The following ILDR1 variants were observed in gnomAD, a reference collection of about 807,000 sequenced individuals.
ILDR1 encodes the protein immunoglobulin-like domain-containing receptor 1.
Under a neutral mutation model 62.4 loss-of-function variants are expected in ILDR1, and 56 were observed. The ratio of observed to expected loss-of-function variants is 0.90; its 90% CI spans 0.72 to 1.12. The LOEUF (loss-of-function observed/expected upper bound fraction) is 1.12. Ranked by LOEUF, ILDR1 falls within the 50% of genes most tolerant of loss-of-function variation. The pLI is 0.00. For synonymous variants in ILDR1, 284 were observed against 277.8 expected (o/e 1.02, Z -0.22); for missense variants, 736 against 710.6 (o/e 1.04, Z -0.41).
chr3:122,001,495 A>AG, intron 4 of ILDR1, 41 bp from the exon 5 acceptor site: 2 of 1,606,992 alleles, frequency 1.2e-6, no homozygotes, highest in Non-Finnish European at 1.7e-6. Context: ...CTAAATATTC[A>AG]GGGGGAGGGA....
chr3:122,061,458 T>C, the ILDR1 span, among the ~76,000 whole-genome samples: 8 of 152,232 alleles, frequency 5.3e-5, no homozygotes, highest in African/African-American at 1.7e-4. Context: ...CACCAAATAC[T>C]AAAGAAATGC....
chr3:122,056,320 C>A, the ILDR1 span, among the ~76,000 whole-genome samples: 3 of 152,196 alleles, frequency 2.0e-5, no homozygotes, highest in African/African-American at 7.2e-5. Context: ...GCGCCAGTCA[C>A]TATGTATTTA....
rs2107643779 is a variant in ILDR1, at chr3:121,993,532, G to A, written c.1217C>T (p.Ser406Phe). Reference sequence around the variant, plus strand: ...GTGTATGGGTGACCCATTCAGCCTAGAGCTACGGTGCCTTCCACTCCACGA... The same window carrying A: ...GTGTATGGGTGACCCATTCAGCCTAAAGCTACGGTGCCTTCCACTCCACGA... ...DPSWSGRHRS[S>F]RLNGSPIHWS... is the part of the protein sequence containing the mutation. The change falls in exon 7 of 8, where the codon TCT (serine) becomes TTT (phenylalanine). Residue 406 changes from serine (S) to phenylalanine (F), a missense_variant. Physicochemically the swap from Ser to Phe is radical, Grantham distance 155. Coordinates refer to ENST00000344209, the MANE Select transcript of ILDR1 (RefSeq NM_001199799.2). The A allele has an allele frequency of 6.2e-7, 1 of 1,614,228 alleles. No homozygotes were observed. The highest frequency in any genetic ancestry group is 1.6e-4 in the Middle Eastern group (1 of 6,062).
chr3:121,990,980 T>A (rs1576712074), intron 7 of ILDR1, among the ~76,000 whole-genome samples: 1 of 152,096 alleles, frequency 6.6e-6, no homozygotes, highest in Non-Finnish European at 1.5e-5. Flanking sequence ...GGCGGGCAGA[T>A]CACGAGGTCA....
chr3:122,047,365 T>C, the ILDR1 span, among the ~76,000 whole-genome samples: 26 of 152,246 alleles, frequency 1.7e-4, no homozygotes, highest in Non-Finnish European at 3.5e-4. Flanking sequence ...GTTACTGCTG[T>C]CTTTTTGTCT....
chr3:122,028,907 T>C, the ILDR1 span, among the ~76,000 whole-genome samples: 1 of 152,174 alleles, frequency 6.6e-6, no homozygotes. Context: ...CTTTACTCTA[T>C]AGAAACTCAT....
chr3:122,046,116 G>C, the ILDR1 span, among the ~76,000 whole-genome samples: 5 of 151,212 alleles, frequency 3.3e-5, no homozygotes, highest in African/African-American at 1.2e-4. Flanking sequence ...CAGGCCTAGT[G>C]GTGACAAAAT....
chr3:122,058,458 A>G, the ILDR1 span, among the ~76,000 whole-genome samples: 1 of 152,180 alleles, frequency 6.6e-6, no homozygotes, highest in African/African-American at 2.4e-5. Context: ...TGCAAGAGAG[A>G]GCAGATGACT....
chr3:122,028,335 C>CAAA, the ILDR1 span, among the ~76,000 whole-genome samples: 6 of 95,464 alleles, frequency 6.3e-5, no homozygotes, highest in Admixed American at 1.2e-4. Flanking sequence ...GACTCCATCT[C>CAAA]AAAAAAAAAA....
rs894241295 is a variant in ILDR1 at position 121,994,277 on chromosome 3, G to C, written c.683C>G (p.Ala228Gly). ...ARHRYMKQAQ[A>G]LGPQMMGKPL... ...TTTTCCCATCATCTGAGGACCTAGG[G>C]CCTGGGCCTGCTTCATGTAGCGGTG... Residue 228 changes from alanine (A) to glycine (G), a missense_variant, in exon 6 of 8, where the codon GCC (alanine) becomes GGC (glycine). Ala to Gly is a moderately conservative substitution (Grantham distance 60). Coordinates refer to ENST00000344209, the MANE Select transcript of ILDR1 (RefSeq NM_001199799.2). 1 of 1,535,996 alleles carries C rather than the reference G, an allele frequency of 6.5e-7. No homozygotes were observed. The highest frequency in any genetic ancestry group is 2.4e-5 in the East Asian group (1 of 40,912).
chr3:121,993,165 A>G lies in ILDR1; in HGVS notation c.1584T>C (p.Ser528=). ...CCAGGCTCACCGAGCGCCTCTCCAC[A>G]CTCCCTTTTTTCCTGCTATTCTTGC... ...TPGKNSRKKG[S]VERRSEKDSS... The change falls in exon 7 of 8, where the codon AGT becomes AGC. Residue 528 remains serine, a synonymous_variant. Transcript: ENST00000344209. The G allele has an allele frequency of 1.2e-6, 2 of 1,602,796 alleles. No individual in the cohort carries two copies. The highest frequency in any genetic ancestry group is 1.7e-6 in the Non-Finnish European group (2 of 1,174,918).
chr3:122,059,840 A>T, the ILDR1 span, among the ~76,000 whole-genome samples: 133 of 152,252 alleles, frequency 8.7e-4, no homozygotes, highest in Non-Finnish European at 1.6e-3. Flanking sequence ...TGTTGTGCTT[A>T]TTGTAAGGAA....
chr3:121,988,218 A>C lies in ILDR1; in HGVS notation c.*149T>G. 1 of 723,662 alleles carries C rather than the reference A, an allele frequency of 1.4e-6. No individual in the cohort carries two copies. The highest frequency in any genetic ancestry group is 1.5e-5 in the South Asian group (1 of 67,604). The allele number at this position is 723,662 out of a possible 1,614,324, so 44.8% of individuals were successfully genotyped here. On this transcript the variant is annotated 3_prime_UTR_variant, in exon 8 of 8. Coordinates refer to ENST00000344209, the MANE Select transcript of ILDR1 (RefSeq NM_001199799.2). Reference sequence around the variant, plus strand: ...ACTATACCCAATCTCAAACTCTTGTATTTAAAATTCTTCTATTTGATTCTC... The same window carrying C: ...ACTATACCCAATCTCAAACTCTTGTCTTTAAAATTCTTCTATTTGATTCTC...
At chr3:122,009,040 C>T (rs2071662800) in intron 1 of ILDR1, among the ~76,000 whole-genome samples, 2 of 151,328 alleles carry the variant, frequency 1.3e-5, no homozygotes, top group African/African-American at 4.9e-5. Flanking sequence ...TTCAAGTGAT[C>T]CTCCCATCTC....
At chr3:122,038,766 C>A in the ILDR1 span, among the ~76,000 whole-genome samples, 5 of 151,994 alleles carry the variant, frequency 3.3e-5, no homozygotes, top group African/African-American at 9.7e-5. Context: ...TAAGCTCAGA[C>A]AGATATTTTC....
chr3:122,011,441 AC>A (rs2107671187), intron 1 of ILDR1, among the ~76,000 whole-genome samples: 1 of 152,022 alleles, frequency 6.6e-6, no homozygotes, highest in South Asian at 2.1e-4. Context: ...GACAAAACTC[AC>A]CTTTACCAAC....
intron 7 of ILDR1, among the ~76,000 whole-genome samples, chr3:121,991,290 A>T (rs1185443327): frequency 6.6e-6 from 1 of 152,238 alleles, no homozygotes; most frequent in Non-Finnish European, 1.5e-5. Flanking sequence ...TTTCTCACTT[A>T]CAAGAAGTCA....
chr3:122,005,354 T>C lies in ILDR1; in HGVS notation c.269A>G (p.Asn90Ser), dbSNP rs1489872687. Residue 90 changes from asparagine (N) to serine (S), a missense_variant, in exon 3 of 8, where the codon AAT becomes AGT. Physicochemically the swap from Asn to Ser is conservative, Grantham distance 46 (BLOSUM62 1). Coordinates refer to ENST00000344209, the MANE Select transcript of ILDR1 (RefSeq NM_001199799.2). ...TTCCCGCTGGTTGTCGTTGCAGTCA[T>C]TGGATGGGTCCTGGCCCAGGGATAA... Reference protein sequence around the residue: ...AALSLGQDPSNDCNDNQREVR... With the variant: ...AALSLGQDPSSDCNDNQREVR... 6 of 1,614,038 alleles carry C rather than the reference T, an allele frequency of 3.7e-6. No individual in the cohort carries two copies. The South Asian group carries it at 4.4e-5, about 12-fold the overall frequency.
chr3:122,047,230 C>T, the ILDR1 span, among the ~76,000 whole-genome samples: 1,768 of 151,794 alleles, frequency 0.012, 29 homozygotes, highest in African/African-American at 0.041. Flanking sequence ...TTAGGCTGCT[C>T]GGGGGTCAGG....
Sources: gnomAD v4.1 joint callset for allele counts (sites outside exome capture counted in the v4.1 genomes callset) on GRCh38, gnomAD v4.1.1 for gene constraint, MANE v1.5 for transcripts, NCBI Gene and HGNC (gene_info 2026-07-23, HGNC 2026-07-21) for gene names.